The following DNAH11 variants were observed in gnomAD, a reference collection of about 807,000 sequenced individuals.
DNAH11 encodes the protein axonemal beta dynein heavy chain 11.
DNAH11 carries 442 observed loss-of-function variants against 526.0 expected under a neutral mutation model. The observed-to-expected ratio is 0.84, with a 90% CI of 0.78 to 0.91. The LOEUF is 0.91. DNAH11 is among the 40% of genes least tolerant of loss of function. The probability of loss-of-function intolerance (pLI) is 0.00; values close to 1 mark genes in which losing one functional copy is unlikely to be tolerated. For synonymous variants in DNAH11, 2,461 were observed against 1,935.9 expected, an observed-to-expected ratio of 1.27 and a Z score of -7.12; for missense variants, 6,989 against 5,448.7, an observed-to-expected ratio of 1.28 and a Z score of -8.90.
At chr7:21,864,693 T>C (rs1783204029) in intron 70 of DNAH11, 36 bp downstream of exon 70, 1 of 1,539,108 alleles carries the variant, frequency 6.5e-7, no homozygotes, top group Non-Finnish European at 8.7e-7. Flanking sequence ...ATTCTGGATC[T>C]TATTTAAAAT....
intron 51 of DNAH11, among the ~76,000 whole-genome samples, chr7:21,748,213 G>A (rs1786237318): frequency 6.6e-6 from 1 of 152,186 alleles, no homozygotes; most frequent in Non-Finnish European, 1.5e-5. Context: ...GCCAGGCGCA[G>A]TTGCTCATGC....
intron 28 of DNAH11, among the ~76,000 whole-genome samples, chr7:21,650,568 G>C (rs1183402712): frequency 7.0e-6 from 1 of 142,984 alleles, no homozygotes; most frequent in Non-Finnish European, 1.5e-5. Context: ...TTCCAATTTA[G>C]ATTCTTAACC....
chr7:21,543,376 A>G lies in DNAH11; in HGVS notation c.131A>G (p.Glu44Gly), dbSNP rs750407994. ...ELEEEEENEEEAAARRARSFA... is the reference protein window; with the variant it reads ...ELEEEEENEEGAAARRARSFA... ...GAGGAGGAGGAGGAGAACGAGGAGG[A>G]GGCGGCGGCCAGGAGAGCGCGGAGT... is the stretch of plus-strand genomic sequence containing the variant. The change falls in exon 1 of 82, where the codon GAG (glutamate) becomes GGG (glycine). Residue 44 changes from glutamate to glycine, a missense_variant. Coordinates refer to ENST00000409508, the MANE Select transcript of DNAH11 (RefSeq NM_001277115.2). 1.9e-6 allele frequency: 3 copies of G among 1,551,648 alleles called. No homozygotes were observed. The highest frequency in any genetic ancestry group is 2.6e-6 in the Non-Finnish European group (3 of 1,146,996).
At chr7:21,622,178 G>C (rs1235343511) in intron 25 of DNAH11, among the ~76,000 whole-genome samples, 1 of 152,084 alleles carries the variant, frequency 6.6e-6, no homozygotes, top group Non-Finnish European at 1.5e-5. Flanking sequence ...ACCAATAACA[G>C]ACAAACAGAG....
rs1380270382 is a variant in DNAH11, at chr7:21,816,695, C to T, written c.10561C>T (p.Gln3521Ter). Reference sequence around the variant, plus strand: ...GGACCTGAAAGTCACACATTTGGGCCAGAAAGGGTATGTGAAGTTTGAAGA... The same window carrying T: ...GGACCTGAAAGTCACACATTTGGGCTAGAAAGGGTATGTGAAGTTTGAAGA... The part of the protein sequence containing the change: ...GMDLKVTHLG[Q>*]KGFLNAIETA... The change falls in exon 64 of 82, where the codon CAG (glutamine) becomes TAG (stop). Residue 3521 changes from glutamine (Q) to a stop codon, truncating the protein, a stop_gained. Coordinates refer to ENST00000409508, the MANE Select transcript of DNAH11 (RefSeq NM_001277115.2). LOFTEE classifies it high-confidence loss of function. 1.2e-6 allele frequency: 2 copies of T among 1,613,110 alleles called. No homozygotes were observed. The highest frequency in any genetic ancestry group is 1.1e-5 in the South Asian group (1 of 90,850).
At chr7:21,806,980 T>C (rs1789290528) in intron 62 of DNAH11, among the ~76,000 whole-genome samples, 1 of 152,206 alleles carries the variant, frequency 6.6e-6, no homozygotes, top group Admixed American at 6.5e-5. Flanking sequence ...ATTAGAAAAC[T>C]AACCTGAGTT....
intron 8 of DNAH11, among the ~76,000 whole-genome samples, chr7:21,574,103 G>C (rs1197339302): frequency 6.6e-6 from 1 of 152,152 alleles, no homozygotes; most frequent in Admixed American, 6.5e-5. Context: ...TGTTTTCTTT[G>C]ACATCTTCTT....
At chr7:21,662,484 A>T (rs554480594) in intron 30 of DNAH11, among the ~76,000 whole-genome samples, 1 of 152,232 alleles carries the variant, frequency 6.6e-6, no homozygotes, top group South Asian at 2.1e-4. Context: ...TAAAATTTTA[A>T]ATTTTAATTG....
intron 65 of DNAH11, among the ~76,000 whole-genome samples, chr7:21,835,811 A>C (rs993546937): frequency 2.0e-5 from 3 of 151,926 alleles, no homozygotes; most frequent in Non-Finnish European, 4.4e-5. Flanking sequence ...AAGAAAGTCA[A>C]ATTGTCCCTG....
intron 54 of DNAH11, among the ~76,000 whole-genome samples, chr7:21,751,894 A>G (rs931109808): frequency 6.6e-6 from 1 of 152,242 alleles, no homozygotes; most frequent in African/African-American, 2.4e-5. Flanking sequence ...GTGATATACT[A>G]GGATCAAATT....
At chr7:21,882,878 GAACAGATCCCTAGTTA>G (rs545824771) in intron 75 of DNAH11, among the ~76,000 whole-genome samples, 124 of 152,292 alleles carry the variant, frequency 8.1e-4, no homozygotes, top group African/African-American at 2.9e-3. Flanking sequence ...TTATTGAAAA[GAACAGATCCCTAGTTA>G]AATAAAAATT....
In DNAH11 at chr7:21,590,966, C is replaced by T. The variant is rs1784653053; in HGVS notation, c.2218C>T (p.Gln740Ter). 2.0e-6 allele frequency: 3 copies of T among 1,514,924 alleles called. No individual in the cohort carries two copies. Among genetic ancestry groups the T allele is most frequent in the Non-Finnish European group, 2.6e-6 (3 of 1,141,774 alleles). 93.8% of individuals were successfully genotyped at this position (1,514,924 alleles called of 1,614,324 possible). A position where few individuals can be genotyped will look rare whatever the true frequency, so the allele number is the denominator to read the frequency against. Residue 740 changes from glutamine (Q) to a stop codon, truncating the protein, a stop_gained, in exon 13 of 82, where the codon CAA (glutamine) becomes TAA (stop). Transcript: ENST00000409508. LOFTEE classifies it high-confidence loss of function. ...GAAATATCTTTTGATGTTGAAGAAA[C>T]AAGACATACCAGATTCAGCTTTAGC... ...EVKYLLMLKK[Q>*]DIPDSALAIF...
chr7:21,669,786 C>G (rs147775948), intron 30 of DNAH11, among the ~76,000 whole-genome samples: 1 of 151,692 alleles, frequency 6.6e-6, no homozygotes, highest in African/African-American at 2.4e-5. Flanking sequence ...GCAATCCATA[C>G]CTCTTTCCTT....
chr7:21,543,323 C>G lies in DNAH11; in HGVS notation c.78C>G (p.Gly26=), dbSNP rs746309042. 3 of 1,550,580 alleles carry G rather than the reference C, an allele frequency of 1.9e-6. No homozygotes were observed. Among genetic ancestry groups the G allele is most frequent in the East Asian group, 4.9e-5 (2 of 40,882 alleles). The change falls in exon 1 of 82, where the codon GGC becomes GGG. Residue 26 remains glycine (G), a synonymous_variant. Transcript: ENST00000409508. ...APTLRLTSGA[G]LEAVGAVELE... is the part of the protein sequence containing the mutation. ...CCCTTCGCCTAACCTCGGGGGCCGG[C>G]CTGGAGGCAGTGGGCGCTGTGGAGC...
chr7:21,638,874 GT>G, intron 27 of DNAH11, 64 bp from the exon 28 acceptor site: 1 of 1,542,184 alleles, frequency 6.5e-7, no homozygotes, highest in Non-Finnish European at 8.7e-7. Flanking sequence ...CTTGAGTTTT[GT>G]TTTGCCGAAG....
chr7:21,710,784 C>G, intron 41 of DNAH11, 81 bp downstream of exon 41: 2 of 1,346,670 alleles, frequency 1.5e-6, no homozygotes, highest in Non-Finnish European at 2.0e-6. Context: ...GATGTTAATA[C>G]TAGTTTTTGC....
intron 54 of DNAH11, among the ~76,000 whole-genome samples, chr7:21,758,118 G>C (rs1025390992): frequency 5.3e-5 from 8 of 152,172 alleles, no homozygotes; most frequent in African/African-American, 1.9e-4. Flanking sequence ...CTAACAACTG[G>C]CTTGCCCAGC....
intron 1 of DNAH11, 198 bp downstream of exon 1, chr7:21,543,794 T>G (rs952390048): frequency 3.3e-6 from 2 of 607,116 alleles, no homozygotes; most frequent in African/African-American, 3.7e-5. Flanking sequence ...CAGGTTAGTT[T>G]CCTAAGTCAG....
chr7:21,725,988 G>A lies in DNAH11; in HGVS notation c.7440+4G>A. On this transcript the variant is annotated splice_donor_region_variant and intron_variant, in intron 45 of 81. Transcript: ENST00000409508. Reference sequence around the variant, plus strand: ...GGATCCAGATGTGCCTCTGCAGGTAGGTGTGTGGAACATAGCAATTGTATT... The same window carrying A: ...GGATCCAGATGTGCCTCTGCAGGTAAGTGTGTGGAACATAGCAATTGTATT... The A allele has an allele frequency of 1.3e-6, 2 of 1,546,192 alleles. No homozygotes were observed. The highest frequency in any genetic ancestry group is 1.7e-6 in the Non-Finnish European group (2 of 1,144,464).
Sources: gnomAD v4.1 joint callset for allele counts (sites outside exome capture counted in the v4.1 genomes callset) on GRCh38, gnomAD v4.1.1 for gene constraint, MANE v1.5 for transcripts, NCBI Gene and HGNC (gene_info 2026-07-23, HGNC 2026-07-21) for gene names.